SMC1A: variants seen among roughly 807,000 people sequenced by gnomAD.
The protein encoded by SMC1A is structural maintenance of chromosomes 1A.
A neutral mutation model predicts 94.5 loss-of-function variants in SMC1A; 4 were observed. That is an observed-to-expected ratio of 0.04 (90% CI 0.02 to 0.10). The LOEUF (loss-of-function observed/expected upper bound fraction) is 0.10, where lower values mean the gene tolerates loss of function less well. Among genes scored for constraint, SMC1A ranks in the 10% least tolerant of loss-of-function variants. The pLI, the probability that SMC1A is intolerant of heterozygous loss-of-function variation, is 1.00. For missense variants in SMC1A, 304 were observed against 989.0 expected (o/e 0.31, Z 9.29); for synonymous variants, 345 against 347.7 (o/e 0.99, Z 0.09).
At chrX:53,422,358 C>T in intron 1 of SMC1A, 134 bp downstream of exon 1, 2 of 513,108 alleles carry the variant, frequency 3.9e-6, no homozygotes, top group Non-Finnish European at 6.9e-6. Flanking sequence ...TCGAGCAGAA[C>T]CCCCTCTGGA....
chrX:53,396,714 T>C lies in SMC1A; in HGVS notation c.2563-97A>G, dbSNP rs1023692927. ...CCCACCCTTCCTACTAGGCAGTTTA[T>C]TGGAGTCACTCGTCAATGAGCTTTG... On this transcript the variant is annotated intron_variant, in intron 16 of 24. Transcript: ENST00000322213. 44 of 942,644 alleles carry C rather than the reference T, an allele frequency of 4.7e-5. No homozygotes were observed. The African/African-American group carries it at 7.5e-4, about 16-fold the overall frequency. 77.7% of individuals were successfully genotyped at this position (942,644 alleles called of 1,213,427 possible). A position where few individuals can be genotyped will look rare whatever the true frequency, so the allele number is the denominator to read the frequency against.
rs2075650867 is a variant in SMC1A, at chrX:53,396,221, A to T, written c.2862+6T>A. The T allele has an allele frequency of 2.5e-6, 3 of 1,206,393 alleles. No homozygotes were observed. The highest frequency in any genetic ancestry group is 3.4e-6 in the Non-Finnish European group (3 of 894,262). ...GCCCACTCCCACCACCAGCCACAAT[A>T]CTCACCTCTTCCTGACTAATATCAT... On this transcript the variant is annotated splice_donor_region_variant and intron_variant, in intron 18 of 24. Transcript: ENST00000322213.
intron 19 of SMC1A, among the ~76,000 whole-genome samples, chrX:53,390,119 C>T (rs1556887006): frequency 9.7e-6 from 1 of 103,470 alleles, no homozygotes; most frequent in East Asian, 3.3e-4. Context: ...GCTGGGATTA[C>T]AGGCGTGAGC....
intron 13 of SMC1A, among the ~76,000 whole-genome samples, chrX:53,404,793 T>C (rs1268675145): frequency 8.9e-6 from 1 of 111,742 alleles, no homozygotes; most frequent in East Asian, 2.8e-4. Context: ...GATAAAGATG[T>C]GAAGGTTGAC....
chrX:53,380,539 C>G, intron 24 of SMC1A, 81 bp downstream of exon 24: 2 of 653,264 alleles, frequency 3.1e-6, no homozygotes, highest in Non-Finnish European at 5.0e-6. Context: ...CACCTCCTTT[C>G]CCCTCCACTG....
rs188001100 is a variant in SMC1A, at chrX:53,406,730, C to T, written c.1546-774G>A. Among the ~76,000 whole-genome samples the T allele has an allele frequency of 3.6e-3, 398 of 111,862 alleles. 1 individual carries two copies. The highest frequency in any genetic ancestry group is 0.012 in the African/African-American group (381 of 30,761). On this transcript the variant is annotated intron_variant, in intron 9 of 24. Transcript: ENST00000322213. The stretch of plus-strand genomic sequence containing the variant: ...ACTCTTTTTTGGAGACGGAGTCTCA[C>T]TCTGTTGCCCACGCTGAAGTGCAGT...
chrX:53,419,231 T>G (rs1480242997), intron 1 of SMC1A, among the ~76,000 whole-genome samples: 2 of 109,556 alleles, frequency 1.8e-5, no homozygotes, highest in Non-Finnish European at 3.8e-5. Flanking sequence ...AGAGACGGTA[T>G]AAGACTATGA....
intron 7 of SMC1A, among the ~76,000 whole-genome samples, chrX:53,410,216 C>T (rs1315576590): frequency 2.7e-5 from 3 of 111,464 alleles, no homozygotes; most frequent in East Asian, 2.8e-4. Context: ...TGTGAGTGGC[C>T]GGGCACGGTG....
rs374162634 is a variant in SMC1A, at chrX:53,421,721, G to A, written c.109+771C>T. On this transcript the variant is annotated intron_variant, in intron 1 of 24. Transcript: ENST00000322213. ...TTCTCCTTATCTTCTTTCCCCTCTG[G>A]AATATAAGTTCCCTGTGAGCATGGA... Among the ~76,000 whole-genome samples the A allele has an allele frequency of 8.0e-5, 9 of 112,140 alleles. No individual in the cohort carries two copies. In the South Asian group the frequency reaches 1.5e-3, roughly 19 times the overall value.
chrX:53,404,491 T>G (rs1446220721), intron 13 of SMC1A, among the ~76,000 whole-genome samples: 19 of 110,765 alleles, frequency 1.7e-4, no homozygotes, highest in African/African-American at 6.2e-4. Context: ...CCCTATAAAG[T>G]AGGTATCATT....
chrX:53,403,981 G>A, intron 13 of SMC1A, 88 bp from the exon 14 acceptor site: 2 of 649,750 alleles, frequency 3.1e-6, no homozygotes, highest in Non-Finnish European at 5.2e-6. Context: ...AGTCAGGAAG[G>A]GCTAGCTCTC....
intron 12 of SMC1A, 27 bp downstream of exon 12, chrX:53,405,218 C>T: frequency 8.3e-7 from 1 of 1,212,082 alleles, no homozygotes; most frequent in Non-Finnish European, 1.1e-6. Context: ...ACTCCCACTG[C>T]TAAAAACAGC....
At chrX:53,393,758 A>G (rs1405030135) in intron 19 of SMC1A, among the ~76,000 whole-genome samples, 7 of 111,616 alleles carry the variant, frequency 6.3e-5, no homozygotes, top group Non-Finnish European at 1.3e-4. Context: ...TCCTGAATAT[A>G]ATGATGATTG....
rs1263363223 is a variant in SMC1A at position 53,380,283 on chromosome X, A to G, written c.3619-97T>C. On this transcript the variant is annotated intron_variant, in intron 24 of 24. Transcript: ENST00000322213. ...CCAGGGGCCTCAAACCCTCCTCCCT[A>G]CATACCTGCCCAAAGCCCAGTCAAT... 13 of 611,845 alleles carry G rather than the reference A, an allele frequency of 2.1e-5. No homozygotes were observed. In the African/African-American group the frequency reaches 2.4e-4, roughly 11 times the overall value. The allele number at this position is 611,845 out of a possible 1,213,427, so 50.4% of individuals were successfully genotyped here. A position where few individuals can be genotyped will look rare whatever the true frequency, so the allele number is the denominator to read the frequency against.
intron 1 of SMC1A, among the ~76,000 whole-genome samples, chrX:53,419,041 A>C (rs1432364998): frequency 2.8e-5 from 1 of 35,659 alleles, no homozygotes; most frequent in Non-Finnish European, 9.8e-5. Flanking sequence ...ACTCTGTCTC[A>C]AAAAAAAAAA....
intron 15 of SMC1A, 135 bp from the exon 16 acceptor site, chrX:53,399,865 C>T: frequency 1.6e-6 from 1 of 610,096 alleles, no homozygotes; most frequent in Non-Finnish European, 2.5e-6. Context: ...TTTTCAGTCA[C>T]AACTTGCTTC....
Position 53,379,243 on chromosome X carries a change from CTAG to C in SMC1A, c.*857_*859del, listed in dbSNP as rs1379283935. On this transcript the variant is annotated 3_prime_UTR_variant, in exon 25 of 25. Coordinates refer to ENST00000322213, the MANE Select transcript of SMC1A (RefSeq NM_006306.4). Reference sequence around the variant, plus strand: ...AAATGACTTGCCCAAGGTCAAACAACTAGTAAGTGATAAAAAGTGGGACCAGAA... The same window carrying C: ...AAATGACTTGCCCAAGGTCAAACAACTAAGTGATAAAAAGTGGGACCAGAA... 5 of 111,693 alleles carry C rather than the reference CTAG, an allele frequency of 4.5e-5. No individual in the cohort carries two copies. The highest frequency in any genetic ancestry group is 1.3e-4 in the African/African-American group (4 of 30,647). 9.2% of individuals were successfully genotyped at this position (111,693 alleles called of 1,213,427 possible).
intron 19 of SMC1A, among the ~76,000 whole-genome samples, chrX:53,388,365 T>C (rs374956399): frequency 1.6e-4 from 18 of 111,042 alleles, no homozygotes; most frequent in African/African-American, 5.9e-4. Flanking sequence ...TTCATTTAAA[T>C]TGAAAACCTG....
chrX:53,413,367 A>T lies in SMC1A; in HGVS notation c.480T>A (p.Arg160=), dbSNP rs782369322. The T allele has an allele frequency of 9.1e-6, 11 of 1,211,453 alleles. No individual in the cohort carries two copies. Among genetic ancestry groups the T allele is most frequent in the Non-Finnish European group, 1.1e-5 (10 of 895,321 alleles). ...ERTALFEEIS[R]SGELAQEYDK... is the part of the protein sequence containing the mutation. ...CATACTCCTGCGCCAGCTCCCCAGA[A>T]CGACTAATCTCTTCAAATAGAGCTG... Residue 160 remains arginine (R), a synonymous_variant, in exon 4 of 25, where the codon CGT becomes CGA. Transcript: ENST00000322213.
Sources: allele counts gnomAD v4.1 joint callset (sites outside exome capture counted in the v4.1 genomes callset), GRCh38; gene constraint gnomAD v4.1.1; transcripts MANE v1.5; gene names NCBI Gene and HGNC (gene_info 2026-07-23, HGNC 2026-07-21).